The following MOCOS variants were observed in gnomAD, a reference collection of about 807,000 sequenced individuals.
MOCOS encodes molybdenum cofactor sulfurase.
In MOCOS, 86 loss-of-function variants were observed where a neutral mutation model predicts 83.6. The observed-to-expected ratio is 1.03, with a 90% CI of 0.86 to 1.23. The LOEUF (loss-of-function observed/expected upper bound fraction) is 1.23, where lower values mean the gene tolerates loss of function less well. Ranked by LOEUF, MOCOS falls within the 50% of genes most tolerant of loss-of-function variation. MOCOS has a pLI of 0.00. For missense variants in MOCOS, 1,120 were observed against 1,126.9 expected (o/e 0.99, Z 0.09); for synonymous variants, 445 against 434.7 (o/e 1.02, Z -0.29).
chr18:36,222,774 G>T (rs1014775515), intron 9 of MOCOS, among the ~76,000 whole-genome samples: 1 of 151,938 alleles, frequency 6.6e-6, no homozygotes, highest in African/African-American at 2.4e-5. Flanking sequence ...GCTAATTTTT[G>T]TATTTTTAGT....
chr18:36,194,144 AT>A (rs1438874525), intron 1 of MOCOS, among the ~76,000 whole-genome samples: 5 of 152,184 alleles, frequency 3.3e-5, no homozygotes, highest in African/African-American at 1.2e-4. Flanking sequence ...GGTTGGAGGC[AT>A]TGGGGAGTGA....
rs184820979 is a variant in MOCOS, at chr18:36,203,345, C to G, written c.1018+156C>G. On this transcript the variant is annotated intron_variant, in intron 5 of 14. Transcript: ENST00000261326. ...ATTCCTAGTAACTTCAAAACCACTTCAGAGAGCAAGAGAATGAGGTGGGGT... is the reference window on the plus strand; with the variant it reads ...ATTCCTAGTAACTTCAAAACCACTTGAGAGAGCAAGAGAATGAGGTGGGGT... Among the ~76,000 whole-genome samples the G allele has an allele frequency of 5.5e-4, 84 of 152,320 alleles. 1 individual carries two copies. The highest frequency in any genetic ancestry group is 1.8e-3 in the African/African-American group (76 of 41,570).
chr18:36,187,580 C>A lies in MOCOS; in HGVS notation c.41C>A (p.Thr14Asn). ...GCGGAGTCAGGGCGGGAGCTGTGGA[C>A]CTTCGCGGGTTCCCGGGACCCGAGC... Reference protein sequence around the residue: ...AAAESGRELWTFAGSRDPSAP... With the variant: ...AAAESGRELWNFAGSRDPSAP... Residue 14 changes from threonine (T) to asparagine (N), a missense_variant, in exon 1 of 15, where the codon ACC (threonine) becomes AAC (asparagine). Transcript: ENST00000261326. 2 of 1,247,056 alleles carry A rather than the reference C, an allele frequency of 1.6e-6. No homozygotes were observed. Among genetic ancestry groups the A allele is most frequent in the South Asian group, 3.7e-5 (1 of 26,838 alleles). 77.2% of individuals were successfully genotyped at this position (1,247,056 alleles called of 1,614,324 possible). A position where few individuals can be genotyped will look rare whatever the true frequency, so the allele number is the denominator to read the frequency against.
chr18:36,244,668 A>G (rs591023), intron 9 of MOCOS, among the ~76,000 whole-genome samples: 3 of 151,852 alleles, frequency 2.0e-5, no homozygotes, highest in Non-Finnish European at 4.4e-5. Context: ...AAGTCCATTG[A>G]TTCTTTGTTG....
intron 11 of MOCOS, among the ~76,000 whole-genome samples, chr18:36,254,472 G>C (rs1598593120): frequency 8.3e-6 from 1 of 120,834 alleles, no homozygotes; most frequent in Admixed American, 9.6e-5. Flanking sequence ...GTGTGTGTGT[G>C]TGTGTGTGTG....
chr18:36,220,316 G>A, intron 9 of MOCOS, 99 bp downstream of exon 9: 2 of 1,486,152 alleles, frequency 1.3e-6, no homozygotes, highest in East Asian at 2.4e-5. Flanking sequence ...CATCAGCCTG[G>A]GCAATACAGT....
chr18:36,197,306 A>G (rs2091392598), intron 2 of MOCOS, among the ~76,000 whole-genome samples: 1 of 152,142 alleles, frequency 6.6e-6, no homozygotes, highest in Non-Finnish European at 1.5e-5. Context: ...CTGAGGCTGT[A>G]TACTGCATTC....
chr18:36,197,538 G>C (rs946594967), intron 2 of MOCOS, among the ~76,000 whole-genome samples: 1 of 152,078 alleles, frequency 6.6e-6, no homozygotes, highest in African/African-American at 2.4e-5. Context: ...GTCAAGGTAG[G>C]AGGATTGCTT....
intron 11 of MOCOS, among the ~76,000 whole-genome samples, chr18:36,253,248 C>T (rs2091628408): frequency 6.6e-6 from 1 of 152,160 alleles, no homozygotes; most frequent in South Asian, 2.1e-4. Flanking sequence ...GATCAATTGC[C>T]AGCAGATAGC....
At chr18:36,259,683 C>T (rs556945794) in intron 12 of MOCOS, among the ~76,000 whole-genome samples, 26 of 152,080 alleles carry the variant, frequency 1.7e-4, no homozygotes, top group Non-Finnish European at 3.2e-4. Context: ...CTTATGCCGC[C>T]CCACCTTATA....
At chr18:36,265,201 A>G (rs1361202994) in intron 13 of MOCOS, among the ~76,000 whole-genome samples, 2 of 152,188 alleles carry the variant, frequency 1.3e-5, no homozygotes, top group African/African-American at 4.8e-5. Context: ...CTAGTGATAA[A>G]CCCTGTCTAG....
At chr18:36,225,249 T>A (rs1313487376) in intron 9 of MOCOS, among the ~76,000 whole-genome samples, 2 of 152,138 alleles carry the variant, frequency 1.3e-5, no homozygotes, top group Admixed American at 6.5e-5. Context: ...CCTCCTGGGT[T>A]CAAGTGATTC....
chr18:36,225,924 C>T (rs1293532353), intron 9 of MOCOS, among the ~76,000 whole-genome samples: 3 of 148,938 alleles, frequency 2.0e-5, no homozygotes, highest in African/African-American at 7.4e-5. Context: ...TTTTTAAATT[C>T]ATTGTCTTTT....
At chr18:36,216,029 AT>A in intron 8 of MOCOS, 52 bp downstream of exon 8, 1 of 1,517,712 alleles carries the variant, frequency 6.6e-7, no homozygotes. Context: ...TACTCTCTCT[AT>A]TTTTTGATAA....
intron 9 of MOCOS, among the ~76,000 whole-genome samples, chr18:36,222,531 G>A (rs895189506): frequency 1.3e-5 from 2 of 151,120 alleles, no homozygotes; most frequent in African/African-American, 2.4e-5. Flanking sequence ...TTGACCATTA[G>A]TACATCTTCT....
chr18:36,187,791 G>C (rs1408123443), intron 1 of MOCOS, 110 bp downstream of exon 1: 2 of 1,167,046 alleles, frequency 1.7e-6, no homozygotes, highest in Non-Finnish European at 2.2e-6. Flanking sequence ...ATTTTGAATC[G>C]AAACTCCAGG....
At chr18:36,193,317 C>CAAAAAAAAAAAAAAAAAA (rs555145311) in intron 1 of MOCOS, among the ~76,000 whole-genome samples, 1 of 38,304 alleles carries the variant, frequency 2.6e-5, no homozygotes, top group African/African-American at 1.0e-4. Flanking sequence ...GACTCCGTCT[C>CAAAAAAAAAAAAAAAAAA]AAAAAAAAAA....
Position 36,200,333 on chromosome 18 carries a change from G to C in MOCOS, c.941+9G>C, listed in dbSNP as rs773763731. ...CAGTCGGTAGCTCAGAGGTAACCTT[G>C]CCACAGGGGAGGGGTCAGAGGAGTT... On this transcript the variant is annotated intron_variant, in intron 4 of 14. Transcript: ENST00000261326. 65 of 1,613,742 alleles carry C rather than the reference G, an allele frequency of 4.0e-5. No individual in the cohort carries two copies. Among genetic ancestry groups the C allele is most frequent in the Admixed American group, 6.7e-5 (4 of 59,992 alleles).
chr18:36,256,984 A>T lies in MOCOS; in HGVS notation c.2181A>T (p.Thr727=). ...CATTTTCAGATCAACTTCCTGGTAC[A>T]ATGGCCACCCTTTCTCTGGTGAATG... ...KKHGKDQLPG[T]MATLSLVNEA... Residue 727 remains threonine, a synonymous_variant, in exon 12 of 15, where the codon ACA becomes ACT. Coordinates refer to ENST00000261326, the MANE Select transcript of MOCOS (RefSeq NM_017947.4). 1 of 1,614,074 alleles carries T rather than the reference A, an allele frequency of 6.2e-7. No homozygotes were observed. The highest frequency in any genetic ancestry group is 8.5e-7 in the Non-Finnish European group (1 of 1,179,934).
Sources: allele counts gnomAD v4.1 joint callset (sites outside exome capture counted in the v4.1 genomes callset), GRCh38; gene constraint gnomAD v4.1.1; transcripts MANE v1.5; gene names NCBI Gene and HGNC (gene_info 2026-07-23, HGNC 2026-07-21).